Variants in LRP1B observed in about 807,000 individuals in gnomAD.
LRP1B encodes the protein low-density lipoprotein receptor-related protein 1B.
Under a neutral mutation model 556.6 loss-of-function variants are expected in LRP1B, and 217 were observed. The ratio of observed to expected loss-of-function variants is 0.39; its 90% confidence interval spans 0.35 to 0.44. The LOEUF (loss-of-function observed/expected upper bound fraction) is 0.44. Among genes scored for constraint, LRP1B ranks in the 20% least tolerant of loss-of-function variants. The pLI is 1.00. For synonymous variants in LRP1B, 2,047 were observed against 1,865.8 expected (o/e 1.10, Z -2.50); for missense variants, 5,053 against 5,620.8 (o/e 0.90, Z 3.23).
chr2:140,713,054 A>G (rs1687089743), intron 37 of LRP1B, among the ~76,000 whole-genome samples: 1 of 152,016 alleles, frequency 6.6e-6, no homozygotes, highest in Admixed American at 6.6e-5. Context: ...AACCTCGTAC[A>G]CTATCGCAGC....
chr2:140,699,131 A>G (rs1487064284), intron 41 of LRP1B, among the ~76,000 whole-genome samples: 1 of 152,072 alleles, frequency 6.6e-6, no homozygotes, highest in Non-Finnish European at 1.5e-5. Context: ...AATATCCACC[A>G]CACATACAGG....
At chr2:141,370,830 G>C (rs1254196067) in intron 3 of LRP1B, among the ~76,000 whole-genome samples, 1 of 152,028 alleles carries the variant, frequency 6.6e-6, no homozygotes, top group Non-Finnish European at 1.5e-5. Context: ...TATATGATGA[G>C]ATATATGGAT....
intron 21 of LRP1B, among the ~76,000 whole-genome samples, chr2:140,919,180 T>A (rs1048086781): frequency 1.3e-5 from 2 of 152,106 alleles, no homozygotes; most frequent in Non-Finnish European, 2.9e-5. Flanking sequence ...TAATCTCATC[T>A]TGGATCACAA....
At chr2:140,704,608 T>C (rs1574261463) in intron 37 of LRP1B, among the ~76,000 whole-genome samples, 1 of 152,242 alleles carries the variant, frequency 6.6e-6, no homozygotes, top group East Asian at 1.9e-4. Flanking sequence ...TGAAAAATAT[T>C]ATTCAATATA....
At chr2:140,482,445 A>G (rs1008617525) in intron 59 of LRP1B, among the ~76,000 whole-genome samples, 58 of 152,186 alleles carry the variant, frequency 3.8e-4, no homozygotes, top group African/African-American at 1.4e-3. Flanking sequence ...ATGCTTATAC[A>G]TATCCTGCAT....
chr2:141,501,744 T>C (rs1176636123), intron 2 of LRP1B, among the ~76,000 whole-genome samples: 1 of 152,126 alleles, frequency 6.6e-6, no homozygotes, highest in Non-Finnish European at 1.5e-5. Context: ...ACATGCATTG[T>C]AGAGATTGAC....
chr2:140,362,361 T>G (rs1225834558), intron 72 of LRP1B, among the ~76,000 whole-genome samples: 1 of 151,732 alleles, frequency 6.6e-6, no homozygotes, highest in Non-Finnish European at 1.5e-5. Context: ...AATAGTTCAA[T>G]TTAAGGTTTT....
chr2:140,417,428 G>A (rs1685246705), intron 66 of LRP1B, among the ~76,000 whole-genome samples: 1 of 152,196 alleles, frequency 6.6e-6, no homozygotes, highest in Non-Finnish European at 1.5e-5. Flanking sequence ...AATTGTCAAA[G>A]AAGATTAATG....
intron 2 of LRP1B, among the ~76,000 whole-genome samples, chr2:141,583,906 A>ATTTTTTTTTTTT (rs113916906): frequency 3.4e-5 from 5 of 145,526 alleles, no homozygotes; most frequent in African/African-American, 1.3e-4. Flanking sequence ...TGCCCGGCTA[A>ATTTTTTTTTTTT]TTTTTTTTTT....
At chr2:142,032,533 C>T (rs1703744300) in intron 1 of LRP1B, among the ~76,000 whole-genome samples, 1 of 151,804 alleles carries the variant, frequency 6.6e-6, no homozygotes, top group Non-Finnish European at 1.5e-5. Flanking sequence ...GAACTTATTA[C>T]CCCAAACATT....
intron 1 of LRP1B, among the ~76,000 whole-genome samples, chr2:142,035,769 A>G (rs1360944262): frequency 1.3e-5 from 2 of 151,694 alleles, no homozygotes; most frequent in African/African-American, 4.8e-5. Flanking sequence ...ACAGAATGTT[A>G]CACCACGATA....
At chr2:141,278,035 C>T (rs1037387802) in intron 3 of LRP1B, among the ~76,000 whole-genome samples, 1 of 152,126 alleles carries the variant, frequency 6.6e-6, no homozygotes, top group Non-Finnish European at 1.5e-5. Flanking sequence ...TCAAGCTTAT[C>T]TTCCCAATAT....
chr2:141,346,054 G>T (rs1419102238), intron 3 of LRP1B, among the ~76,000 whole-genome samples: 2 of 151,600 alleles, frequency 1.3e-5, no homozygotes, highest in Admixed American at 6.6e-5. Context: ...TTTTGTTTCA[G>T]GATAGTAATA....
intron 32 of LRP1B, among the ~76,000 whole-genome samples, chr2:140,791,332 G>C (rs1161088030): frequency 2.0e-5 from 3 of 152,100 alleles, no homozygotes; most frequent in Non-Finnish European, 4.4e-5. Flanking sequence ...AGGAGACTGA[G>C]GTGGGAGAAT....
chr2:140,314,763 T>C (rs1684447962), intron 83 of LRP1B, among the ~76,000 whole-genome samples, 172 bp downstream of exon 83: 1 of 152,184 alleles, frequency 6.6e-6, no homozygotes, highest in South Asian at 2.1e-4. Flanking sequence ...GCTTGAACTT[T>C]TATATACTGA....
chr2:140,834,762 T>C (rs548658436), intron 31 of LRP1B, among the ~76,000 whole-genome samples: 17 of 152,314 alleles, frequency 1.1e-4, no homozygotes, highest in African/African-American at 3.6e-4. Flanking sequence ...CATTTCATTA[T>C]ACCTAATTTG....
At chr2:141,034,661 C>T (rs1388438015) in intron 11 of LRP1B, among the ~76,000 whole-genome samples, 1 of 150,926 alleles carries the variant, frequency 6.6e-6, no homozygotes, top group Non-Finnish European at 1.5e-5. Context: ...AATGAGATAC[C>T]ATCTCACACC....
intron 84 of LRP1B, among the ~76,000 whole-genome samples, chr2:140,285,781 A>G (rs541821819): frequency 6.6e-6 from 1 of 151,746 alleles, no homozygotes; most frequent in Non-Finnish European, 1.5e-5. Flanking sequence ...TTTTATTTAG[A>G]AAGACTATTT....
intron 35 of LRP1B, among the ~76,000 whole-genome samples, chr2:140,722,387 A>G (rs780894628): frequency 7.9e-5 from 12 of 152,284 alleles, no homozygotes; most frequent in Non-Finnish European, 1.6e-4. Flanking sequence ...TGATACCTTT[A>G]GTAGATAGGG....
Sources: allele counts gnomAD v4.1 joint callset (sites outside exome capture counted in the v4.1 genomes callset), GRCh38; gene constraint gnomAD v4.1.1; transcripts MANE v1.5; gene names NCBI Gene and HGNC (gene_info 2026-07-23, HGNC 2026-07-21).